The following MYO5A variants were observed in gnomAD, a reference collection of about 807,000 sequenced individuals.
MYO5A encodes unconventional myosin-Va.
Under a neutral mutation model 249.7 loss-of-function variants are expected in MYO5A, and 98 were observed. That is an observed-to-expected ratio of 0.39 (90% CI 0.33 to 0.46). The LOEUF is 0.46. MYO5A is among the 20% of genes least tolerant of loss of function. The pLI, the probability that MYO5A is intolerant of heterozygous loss-of-function variation, is 0.98. For missense variants in MYO5A, 1,696 were observed against 2,308.8 expected (o/e 0.73, Z 5.44); for synonymous variants, 778 against 810.6 (o/e 0.96, Z 0.68).
At chr15:52,388,853 A>AT (rs2042084309) in intron 13 of MYO5A, among the ~76,000 whole-genome samples, 1 of 152,168 alleles carries the variant, frequency 6.6e-6, no homozygotes, top group African/African-American at 2.4e-5. Flanking sequence ...TTCCAGCAGA[A>AT]TGGAAGGCAA....
chr15:52,431,086 G>T (rs2075521072), intron 2 of MYO5A, among the ~76,000 whole-genome samples: 2 of 151,420 alleles, frequency 1.3e-5, no homozygotes, highest in African/African-American at 4.9e-5. Context: ...ACAAAAATTA[G>T]CCAGGCATGG....
At chr15:52,391,891 T>C (rs2042254680) in intron 12 of MYO5A, 39 bp downstream of exon 12, 1 of 1,597,402 alleles carries the variant, frequency 6.3e-7, no homozygotes, top group Non-Finnish European at 8.6e-7. Flanking sequence ...TTGATACATC[T>C]ATTTTGATAA....
intron 1 of MYO5A, among the ~76,000 whole-genome samples, chr15:52,460,611 G>C (rs889489279): frequency 2.6e-5 from 4 of 152,212 alleles, no homozygotes; most frequent in Non-Finnish European, 5.9e-5. Flanking sequence ...GTCCAGCCTC[G>C]GCTCGGCATC....
chr15:52,376,475 G>A lies in MYO5A; in HGVS notation c.2292C>T (p.Asp764=), dbSNP rs1367645794. The change falls in exon 19 of 42, where the codon GAC becomes GAT. Residue 764 remains aspartate (D), a synonymous_variant. Transcript: ENST00000399233. ...TCCGGATGCAGGCAGCTCTCAGTTT[G>A]TCAGCTCTCAATTTTTCTAGATAGG... ...QVAYLEKLRA[D]KLRAACIRIQ... The A allele has an allele frequency of 6.2e-7, 1 of 1,614,024 alleles. No homozygotes were observed. The highest frequency in any genetic ancestry group is 8.5e-7 in the Non-Finnish European group (1 of 1,180,038).
chr15:52,407,253 G>C (rs985920743), intron 8 of MYO5A, 39 bp downstream of exon 8: 3 of 1,450,802 alleles, frequency 2.1e-6, no homozygotes, highest in Admixed American at 1.7e-5. Flanking sequence ...GAGTAAAAAA[G>C]CTATTCCTCT....
At chr15:52,486,334 T>G (rs963190803) in intron 1 of MYO5A, among the ~76,000 whole-genome samples, 2 of 152,186 alleles carry the variant, frequency 1.3e-5, no homozygotes, top group African/African-American at 2.4e-5. Context: ...AAAACTCAGG[T>G]TGAGTGAGTC....
At chr15:52,396,191 A>G (rs1047922267) in intron 11 of MYO5A, 125 bp downstream of exon 11, 1 of 667,744 alleles carries the variant, frequency 1.5e-6, no homozygotes, top group South Asian at 1.8e-5. Flanking sequence ...ATTAATCGTC[A>G]GTTCTAAGTT....
rs1271444498 is a variant in MYO5A, at chr15:52,322,274, T to C, written c.4801-765A>G. Among the ~76,000 whole-genome samples, 3 of 152,252 alleles carry C rather than the reference T, an allele frequency of 2.0e-5. No homozygotes were observed. The East Asian group carries it at 5.8e-4, about 29-fold the overall frequency. Reference sequence around the variant, plus strand: ...GACCCCTCTGAGGGATTCTGGTCTGTTGGCCCCATCTTCTCAGGGACTAGG... The same window carrying C: ...GACCCCTCTGAGGGATTCTGGTCTGCTGGCCCCATCTTCTCAGGGACTAGG... On this transcript the variant is annotated intron_variant, in intron 37 of 41. Coordinates refer to ENST00000399233, the MANE Select transcript of MYO5A (RefSeq NM_001382347.1).
chr15:52,447,399 G>GAGATGTA (rs2075915407), intron 1 of MYO5A, among the ~76,000 whole-genome samples: 1 of 152,134 alleles, frequency 6.6e-6, no homozygotes, highest in Admixed American at 6.5e-5. Flanking sequence ...TGTACATCCT[G>GAGATGTA]CAGAACCATG....
At chr15:52,379,447 G>C (rs964063380) in intron 18 of MYO5A, among the ~76,000 whole-genome samples, 178 bp downstream of exon 18, 1 of 152,174 alleles carries the variant, frequency 6.6e-6, no homozygotes, top group Admixed American at 6.5e-5. Flanking sequence ...TCTGCCTCCT[G>C]ACGGTGGACT....
intron 20 of MYO5A, among the ~76,000 whole-genome samples, chr15:52,373,085 G>A (rs560798699): frequency 9.2e-5 from 14 of 152,214 alleles, no homozygotes; most frequent in Non-Finnish European, 2.1e-4. Flanking sequence ...TCAAAGGTAG[G>A]AGGGATGGGG....
Position 52,330,496 on chromosome 15 carries a change from C to T in MYO5A, c.4412G>A (p.Gly1471Asp). Reference protein sequence around the residue: ...FAKKIGELEVGQMENISPGQI... With the variant: ...FAKKIGELEVDQMENISPGQI... ...TCCTGGGGATATGTTCTCCATCTGG[C>T]CCACTTTATGAGAAGTAAGAAAGGA... The change falls in exon 35 of 42, where the codon GGC becomes GAC. Residue 1471 changes from glycine to aspartate, a missense_variant. Transcript: ENST00000399233. 1 of 1,613,964 alleles carries T rather than the reference C, an allele frequency of 6.2e-7. No individual in the cohort carries two copies. The highest frequency in any genetic ancestry group is 8.5e-7 in the Non-Finnish European group (1 of 1,179,936).
Position 52,397,782 on chromosome 15 carries a change from T to C in MYO5A, c.1054-316A>G, listed in dbSNP as rs78174812. On this transcript the variant is annotated intron_variant, in intron 9 of 41. Transcript: ENST00000399233. The stretch of plus-strand genomic sequence containing the variant: ...AAATCAGTCAGCTAGTCAACAATTA[T>C]TTACTGAGTGCTACTATGCACCAGA... Among the ~76,000 whole-genome samples the C allele has an allele frequency of 4.6e-5, 7 of 152,334 alleles. No homozygotes were observed. The East Asian group carries it at 7.7e-4, about 17-fold the overall frequency.
At position 52,352,608 on chromosome 15, in the gene MYO5A, C is replaced by T. The variant is rs573719704; in HGVS notation, c.3621+997G>A. ...CATCCTGGCTAACATGGTGAAACCC[C>T]GTCTCTACTAAAAAAATACAAAAAA... is the stretch of plus-strand genomic sequence containing the variant. On this transcript the variant is annotated intron_variant, in intron 27 of 41. Coordinates refer to ENST00000399233, the MANE Select transcript of MYO5A (RefSeq NM_001382347.1). Among the ~76,000 whole-genome samples, 23 of 152,002 alleles carry T rather than the reference C, an allele frequency of 1.5e-4. No homozygotes were observed. The South Asian group carries it at 3.5e-3, about 23-fold the overall frequency.
At chr15:52,450,849 T>TGTTTG (rs60176045) in intron 1 of MYO5A, among the ~76,000 whole-genome samples, 1 of 143,552 alleles carries the variant, frequency 7.0e-6, no homozygotes, top group African/African-American at 2.6e-5. Context: ...TGTGGTTTTT[T>TGTTTG]TTTTTTTTTT....
intron 29 of MYO5A, among the ~76,000 whole-genome samples, chr15:52,348,148 C>G (rs1267699712): frequency 1.3e-5 from 2 of 152,162 alleles, no homozygotes; most frequent in Admixed American, 1.3e-4. Context: ...TAAAAAGTGG[C>G]ACTTGGGGAA....
At chr15:52,410,125 A>C (rs961682916) in intron 6 of MYO5A, among the ~76,000 whole-genome samples, 1 of 152,208 alleles carries the variant, frequency 6.6e-6, no homozygotes, top group Non-Finnish European at 1.5e-5. Context: ...CCTAAAAGTG[A>C]CCAGTCCCAA....
chr15:52,353,836 C>A, intron 26 of MYO5A, 35 bp downstream of exon 26: 1 of 1,611,712 alleles, frequency 6.2e-7, no homozygotes, highest in Non-Finnish European at 8.5e-7. Context: ...ACATAAAGCC[C>A]AGCTTCAGCT....
intron 1 of MYO5A, among the ~76,000 whole-genome samples, chr15:52,433,647 C>T: frequency 6.6e-6 from 1 of 152,040 alleles, no homozygotes; most frequent in East Asian, 1.9e-4. Flanking sequence ...TCTCCAAACT[C>T]CTGACCTCAG....
Sources: allele counts gnomAD v4.1 joint callset (sites outside exome capture counted in the v4.1 genomes callset), GRCh38; gene constraint gnomAD v4.1.1; transcripts MANE v1.5; gene names NCBI Gene and HGNC (gene_info 2026-07-23, HGNC 2026-07-21).